NFIA: variants seen among roughly 807,000 people sequenced by gnomAD.
NFIA encodes the protein nuclear factor 1 A-type.
Under a neutral mutation model 62.8 loss-of-function variants are expected in NFIA, and 8 were observed. The observed-to-expected ratio is 0.13, with a 90% CI of 0.07 to 0.23. The LOEUF (loss-of-function observed/expected upper bound fraction) is 0.23. NFIA is among the 10% of genes least tolerant of loss of function. The pLI is 1.00. For synonymous variants in NFIA, 235 were observed against 238.1 expected, an observed-to-expected ratio of 0.99 and a Z score of 0.12; for missense variants, 410 against 642.1, an observed-to-expected ratio of 0.64 and a Z score of 3.91.
intron 3 of NFIA, among the ~76,000 whole-genome samples, chr1:61,329,532 G>A (rs1434646678): frequency 1.3e-5 from 2 of 151,758 alleles, no homozygotes; most frequent in Admixed American, 6.6e-5. Flanking sequence ...ACAGGCGCTC[G>A]CCACCATGCC....
chr1:61,334,325 A>G (rs1436851879), intron 4 of NFIA, among the ~76,000 whole-genome samples: 1 of 151,934 alleles, frequency 6.6e-6, no homozygotes, highest in Non-Finnish European at 1.5e-5. Context: ...TTAAGTAGAC[A>G]CTACATTGCC....
At chr1:61,155,673 C>G (rs1285667930) in intron 2 of NFIA, among the ~76,000 whole-genome samples, 2 of 21,384 alleles carry the variant, frequency 9.4e-5, no homozygotes, top group African/African-American at 1.4e-4. Context: ...GAGCGAGACT[C>G]CATCTCAAAA....
chr1:61,162,028 A>T (rs1186806026), intron 2 of NFIA, among the ~76,000 whole-genome samples: 1 of 152,234 alleles, frequency 6.6e-6, no homozygotes, highest in Non-Finnish European at 1.5e-5. Flanking sequence ...CCTCATAGAT[A>T]ATTTTCTCCA....
intron 3 of NFIA, among the ~76,000 whole-genome samples, chr1:61,309,366 CG>C (rs1659969782): frequency 1.3e-5 from 2 of 152,060 alleles, no homozygotes; most frequent in African/African-American, 4.8e-5. Flanking sequence ...AAAAAGCCCC[CG>C]ATCCACAAAT....
intron 3 of NFIA, among the ~76,000 whole-genome samples, chr1:61,318,712 G>T (rs1321904033): frequency 6.6e-6 from 1 of 152,188 alleles, no homozygotes; most frequent in Non-Finnish European, 1.5e-5. Flanking sequence ...AACATCTAGA[G>T]TTGCTATAGA....
At chr1:61,138,791 A>G (rs961657168) in intron 2 of NFIA, among the ~76,000 whole-genome samples, 3 of 150,252 alleles carry the variant, frequency 2.0e-5, no homozygotes, top group Non-Finnish European at 4.4e-5. Flanking sequence ...CATGTTGGCC[A>G]TGCTGGTCTC....
intron 4 of NFIA, among the ~76,000 whole-genome samples, chr1:61,332,853 T>C (rs1342662164): frequency 1.3e-5 from 2 of 152,192 alleles, no homozygotes; most frequent in African/African-American, 2.4e-5. Context: ...AAATTCTGCA[T>C]TTTAAAAGAA....
At chr1:61,352,716 G>C (rs190647592) in intron 5 of NFIA, 149 bp downstream of exon 5, 1 of 673,110 alleles carries the variant, frequency 1.5e-6, no homozygotes, top group Admixed American at 2.6e-5. Context: ...TGTCGGTCTC[G>C]TTGGGGAGAT....
intron 2 of NFIA, among the ~76,000 whole-genome samples, chr1:61,112,868 A>T (rs914156190): frequency 6.6e-6 from 1 of 152,218 alleles, no homozygotes; most frequent in African/African-American, 2.4e-5. Context: ...TACATCGTGC[A>T]TATATGGACA....
In NFIA at chr1:61,379,661, C is replaced by G. The variant is rs148817478; in HGVS notation, c.947-3576C>G. On this transcript the variant is annotated intron_variant, in intron 6 of 10. Transcript: ENST00000403491. ...GACCTTGTGATCTGCCCACCTCAGC[C>G]TCCCAAAGTGCTGGGATTACAGGCA... is the stretch of plus-strand genomic sequence containing the variant. 8.3e-3 allele frequency among the ~76,000 whole-genome samples: 1,263 copies of G among 152,128 alleles called. 19 individuals carry two copies. The highest frequency in any genetic ancestry group is 0.029 in the African/African-American group (1,188 of 41,492).
At chr1:61,086,280 G>C (rs911412095) in intron 1 of NFIA, among the ~76,000 whole-genome samples, 2 of 152,088 alleles carry the variant, frequency 1.3e-5, no homozygotes, top group African/African-American at 4.8e-5. Flanking sequence ...ATGTATTTTA[G>C]ATCATTTCAA....
intron 2 of NFIA, among the ~76,000 whole-genome samples, chr1:61,112,558 G>A (rs1380644346): frequency 6.6e-6 from 1 of 152,060 alleles, no homozygotes; most frequent in Non-Finnish European, 1.5e-5. Flanking sequence ...TTGTCTTTTT[G>A]TTGTTGTTGA....
At chr1:61,086,419 G>A (rs1646219787) in intron 1 of NFIA, among the ~76,000 whole-genome samples, 1 of 152,108 alleles carries the variant, frequency 6.6e-6, no homozygotes, top group African/African-American at 2.4e-5. Flanking sequence ...TCAAACATCA[G>A]AAATTTTAAA....
At chr1:61,296,392 CT>C (rs1659191067) in intron 3 of NFIA, among the ~76,000 whole-genome samples, 1 of 152,096 alleles carries the variant, frequency 6.6e-6, no homozygotes, top group South Asian at 2.1e-4. Flanking sequence ...TTTACTTAGG[CT>C]TTTCTTTTTT....
rs957806686 is a variant in NFIA, at chr1:61,259,762, T to G, written c.560-17758T>G. Among the ~76,000 whole-genome samples the G allele has an allele frequency of 1.1e-4, 16 of 152,216 alleles. 1 individual carries two copies. Among genetic ancestry groups the G allele is most frequent in the African/African-American group, 3.9e-4 (16 of 41,462 alleles). On this transcript the variant is annotated intron_variant, in intron 2 of 10. Coordinates refer to ENST00000403491, the MANE Select transcript of NFIA (RefSeq NM_001134673.4). The stretch of plus-strand genomic sequence containing the variant: ...ACAAGGTAGAAGCAAAGCCAATTTT[T>G]GGGACAGTTTAACCGAAATCTTTTC...
chr1:61,260,204 G>A (rs938260725), intron 2 of NFIA, among the ~76,000 whole-genome samples: 6 of 152,194 alleles, frequency 3.9e-5, no homozygotes. Flanking sequence ...TTGTTCTGAA[G>A]GACATGACAC....
At chr1:61,135,876 A>G (rs1647175618) in intron 2 of NFIA, among the ~76,000 whole-genome samples, 1 of 152,208 alleles carries the variant, frequency 6.6e-6, no homozygotes, top group Non-Finnish European at 1.5e-5. Flanking sequence ...GGACATATCC[A>G]TAGAGCACGC....
At chr1:61,102,137 G>A (rs1183141631) in intron 2 of NFIA, among the ~76,000 whole-genome samples, 1 of 152,168 alleles carries the variant, frequency 6.6e-6, no homozygotes, top group African/African-American at 2.4e-5. Context: ...GAAATGGCAT[G>A]GGATTGTCAT....
chr1:61,249,336 C>T (rs1019529487), intron 2 of NFIA, among the ~76,000 whole-genome samples: 1 of 152,030 alleles, frequency 6.6e-6, no homozygotes, highest in Non-Finnish European at 1.5e-5. Context: ...ACTTTACTAA[C>T]CAGATGTTAT....
Sources: allele counts gnomAD v4.1 joint callset (sites outside exome capture counted in the v4.1 genomes callset), GRCh38; gene constraint gnomAD v4.1.1; transcripts MANE v1.5; gene names NCBI Gene and HGNC (gene_info 2026-07-23, HGNC 2026-07-21).